Variants in COL1A1 observed in about 807,000 individuals in gnomAD.
COL1A1 encodes the protein collagen type I alpha 1 chain.
Under a neutral mutation model 195.7 loss-of-function variants are expected in COL1A1, and 21 were observed. The ratio of observed to expected loss-of-function variants is 0.11; its 90% CI spans 0.08 to 0.15. COL1A1 has a LOEUF of 0.15. Among genes scored for constraint, COL1A1 ranks in the 10% least tolerant of loss-of-function variants. The pLI is 1.00. For missense variants in COL1A1, 1,365 were observed against 2,051.0 expected (o/e 0.67, Z 6.46); for synonymous variants, 749 against 747.3 (o/e 1.00, Z -0.04).
rs536312322 is a variant in COL1A1, at chr17:50,192,459, G to A, written c.1983+16C>T. ...CCCTGCATCTCCCACCCCTCTGGCC[G>A]GCTGCTCCCTCTTACCTGTTCACCA... On this transcript the variant is annotated intron_variant, in intron 29 of 50. Transcript: ENST00000225964. 137 of 1,597,814 alleles carry A rather than the reference G, an allele frequency of 8.6e-5. 1 individual carries two copies. The highest frequency in any genetic ancestry group is 4.7e-4 in the South Asian group (42 of 89,254).
chr17:50,197,824 A>G lies in COL1A1; in HGVS notation c.643-39T>C, dbSNP rs1184439110. The G allele has an allele frequency of 3.1e-6, 5 of 1,605,346 alleles. No individual in the cohort carries two copies. The African/African-American group carries it at 5.4e-5, about 17-fold the overall frequency. On this transcript the variant is annotated intron_variant, in intron 8 of 50. Coordinates refer to ENST00000225964, the MANE Select transcript of COL1A1 (RefSeq NM_000088.4). The stretch of plus-strand genomic sequence containing the variant: ...AAGAGGTGGTTAGAATATGGATAAG[A>G]AAAAAAGAAGGGGAAGGCTGGGATT...
Position 50,197,955 on chromosome 17 carries a change from T to G in COL1A1, c.636A>C (p.Gly212=), listed in dbSNP as rs1204600774. The G allele has an allele frequency of 6.2e-7, 1 of 1,614,012 alleles. No homozygotes were observed. Among genetic ancestry groups the G allele is most frequent in the Non-Finnish European group, 8.5e-7 (1 of 1,179,970 alleles). ...CTGTATAGAGAGTGCTTACTGAAGC[T>G]CCAGGCTCGCCAGGCTCACCAGGGG... is the stretch of plus-strand genomic sequence containing the variant. ...QGPPGEPGEP[G]ASGPMGPRGP... The change falls in exon 8 of 51, where the codon GGA becomes GGC. Residue 212 remains glycine, a synonymous_variant. Transcript: ENST00000225964.
In COL1A1 at chr17:50,192,003, C is replaced by A. The variant is rs563598815; in HGVS notation, c.2005G>T (p.Ala669Ser). ...GEQGVPGDLG[A>S]PGPSGARGER... ...ACTCTTGCTCCAGAGGGGCCAGGGGCGCCAAGGTCTCCAGGAACACCCTGA... is the reference window on the plus strand; with the variant it reads ...ACTCTTGCTCCAGAGGGGCCAGGGGAGCCAAGGTCTCCAGGAACACCCTGA... The change falls in exon 30 of 51, where the codon GCC (alanine) becomes TCC (serine). Residue 669 changes from alanine to serine, a missense_variant. This residue lies in a region of COL1A1 where 671 missense variants were observed against 1,099.9 expected (regional missense o/e 0.61). Transcript: ENST00000225964. 2 of 1,613,042 alleles carry A rather than the reference C, an allele frequency of 1.2e-6. No homozygotes were observed. Among genetic ancestry groups the A allele is most frequent in the South Asian group, 1.1e-5 (1 of 90,692 alleles).
At chr17:50,192,379 C>T in intron 29 of COL1A1, 96 bp downstream of exon 29, 1 of 1,377,158 alleles carries the variant, frequency 7.3e-7, no homozygotes, top group South Asian at 1.2e-5. Context: ...AACCTCAATC[C>T]CTCTAGTTGA....
At chr17:50,192,203 TC>T in intron 29 of COL1A1, 179 bp from the exon 30 acceptor site, 7 of 751,680 alleles carry the variant, frequency 9.3e-6, no homozygotes, top group South Asian at 7.1e-5. Context: ...GTCAAAGGCT[TC>T]CCCCCTCCCC....
intron 29 of COL1A1, 51 bp from the exon 30 acceptor site, chr17:50,192,075 C>T (rs1470918415): frequency 6.3e-7 from 1 of 1,588,524 alleles, no homozygotes; most frequent in East Asian, 2.3e-5. Flanking sequence ...CACCTGGGGC[C>T]ACTCTGCTGG....
intron 46 of COL1A1, 96 bp from the exon 47 acceptor site, chr17:50,187,218 C>G (rs1445964486): frequency 5.5e-6 from 6 of 1,081,798 alleles, no homozygotes; most frequent in Non-Finnish European, 8.3e-6. Flanking sequence ...TGGCTCTGGC[C>G]CCACGGCTCA....
At chr17:50,191,242 A>T in intron 32 of COL1A1, 141 bp downstream of exon 32, 2 of 844,552 alleles carry the variant, frequency 2.4e-6, no homozygotes, top group Non-Finnish European at 3.9e-6. Context: ...ATCAGCAAAA[A>T]GGCCAGAGGG....
intron 11 of COL1A1, 117 bp downstream of exon 11, chr17:50,196,893 G>T (rs1907638379): frequency 5.5e-6 from 7 of 1,264,272 alleles, no homozygotes; most frequent in Non-Finnish European, 8.0e-6. Flanking sequence ...TGTCCCTTGG[G>T]ACTTCTGTAG....
At position 50,194,952 on chromosome 17, in the gene COL1A1, G is replaced by A; in HGVS notation, c.1353+95C>T. On this transcript the variant is annotated intron_variant, in intron 20 of 50. Transcript: ENST00000225964. This position sits in a 1 kb window ranked among gnomAD's most constrained non-coding sequence, Gnocchi z 6.8. ...TGGGGGTGTGGCAGGGACTCCCCCA[G>A]AAGACTAGGGGCTCCTCTTCCTTTC... 6.7e-7 allele frequency: 1 copy of A among 1,485,180 alleles called. No homozygotes were observed. Among genetic ancestry groups the A allele is most frequent in the Non-Finnish European group, 9.4e-7 (1 of 1,069,120 alleles). 92.0% of individuals were successfully genotyped at this position (1,485,180 alleles called of 1,614,324 possible).
chr17:50,196,923 A>C, intron 11 of COL1A1, 87 bp downstream of exon 11: 1 of 1,475,904 alleles, frequency 6.8e-7, no homozygotes, highest in African/African-American at 1.4e-5. Flanking sequence ...ACCATGATGC[A>C]ACTCAGTATC....
Position 50,188,114 on chromosome 17 carries a change from A to T in COL1A1, c.3243T>A (p.Val1081=). The T allele has an allele frequency of 1.9e-6, 3 of 1,583,974 alleles. No homozygotes were observed. The highest frequency in any genetic ancestry group is 2.6e-6 in the Non-Finnish European group (3 of 1,163,510). The change falls in exon 44 of 51, where the codon GTT becomes GTA. Residue 1081 remains valine, a synonymous_variant. Transcript: ENST00000225964. The surrounding 1 kb of genome is among the most constrained non-coding windows in gnomAD (Gnocchi z 5.6). ...PAGPAGPVGP[V]GARGPAGPQG... is the part of the protein sequence containing the mutation. ...TACTTACGGCGGGGCCACGGGCGCCAACAGGGCCGACAGGACCGGCGGGAC... is the reference window on the plus strand; with the variant it reads ...TACTTACGGCGGGGCCACGGGCGCCTACAGGGCCGACAGGACCGGCGGGAC...
In COL1A1 at chr17:50,197,049, C is replaced by T. The variant is rs373529600; in HGVS notation, c.765G>A (p.Leu255=). 6.2e-6 allele frequency: 10 copies of T among 1,613,982 alleles called. No homozygotes were observed. The highest frequency in any genetic ancestry group is 6.8e-6 in the Non-Finnish European group (8 of 1,180,008). ...TTCCAGGGAGGCCAGCTGTTCCGGG[C>T]AATCCTCGAGCACCCTGGAGAGAGA... ...GPPGPQGARG[L]PGTAGLPGMK... is the part of the protein sequence containing the mutation. Residue 255 remains leucine, a synonymous_variant, in exon 11 of 51, where the codon TTG becomes TTA. Transcript: ENST00000225964.
Position 50,195,615 on chromosome 17 carries a change from C to T in COL1A1, c.1107G>A (p.Val369=), listed in dbSNP as rs144889918. The T allele has an allele frequency of 2.5e-6, 4 of 1,613,828 alleles. No individual in the cohort carries two copies. The highest frequency in any genetic ancestry group is 2.2e-5 in the East Asian group (1 of 44,852). ...GGCCAGGGGGGCCAGGCTCACCACG[C>T]ACACCCTGGGGACCTTCAGAGCCTC... ...GPRGSEGPQG[V]RGEPGPPGPA... The change falls in exon 17 of 51, where the codon GTG becomes GTA. Residue 369 remains valine (V), a synonymous_variant. Transcript: ENST00000225964. This position sits in a 1 kb window ranked among gnomAD's most constrained non-coding sequence, Gnocchi z 4.3.
rs371312641 is a variant in COL1A1 at position 50,195,419 on chromosome 17, T to C, written c.1200+15A>G. On this transcript the variant is annotated intron_variant, in intron 18 of 50. Transcript: ENST00000225964. The surrounding 1 kb of genome is among the most constrained non-coding windows in gnomAD (Gnocchi z 4.3). ...AGGCGGCAGGAGTGGGACTGAAGCC[T>C]GGCAGGATACTTACATTGGCACCTT... 37 of 1,614,086 alleles carry C rather than the reference T, an allele frequency of 2.3e-5. No homozygotes were observed. In the African/African-American group the frequency reaches 4.4e-4, roughly 19 times the overall value.
rs745701599 is a variant in COL1A1, at chr17:50,201,480, G to A, written c.34C>T (p.Leu12Phe). The change falls in exon 1 of 51, where the codon CTC becomes TTC. Residue 12 changes from leucine to phenylalanine, a missense_variant. This residue lies in a region of COL1A1 where 194 missense variants were observed against 221.7 expected (regional missense o/e 0.88). Coordinates refer to ENST00000225964, the MANE Select transcript of COL1A1 (RefSeq NM_000088.4). ...GTCAGGAGGGCGGTGGCCGCTAAGA[G>A]GAGCAGGAGCCGGAGGTCCACAAAG... ...FSFVDLRLLLLLAATALLTHG... is the reference protein window; with the variant it reads ...FSFVDLRLLLFLAATALLTHG... The A allele has an allele frequency of 9.3e-6, 15 of 1,612,688 alleles. No individual in the cohort carries two copies. The highest frequency in any genetic ancestry group is 1.2e-5 in the Non-Finnish European group (14 of 1,180,030).
intron 1 of COL1A1, among the ~76,000 whole-genome samples, chr17:50,200,469 T>C (rs562795849): frequency 6.6e-5 from 10 of 152,024 alleles, no homozygotes; most frequent in African/African-American, 9.7e-5. Flanking sequence ...CCCCCAAGAC[T>C]TGAAATGTAC....
In COL1A1 at chr17:50,188,322, C is replaced by A; in HGVS notation, c.3208-173G>T. 1.2e-6 allele frequency: 1 copy of A among 840,776 alleles called. No individual in the cohort carries two copies. Among genetic ancestry groups the A allele is most frequent in the Non-Finnish European group, 1.8e-6 (1 of 541,906 alleles). The allele number at this position is 840,776 out of a possible 1,614,324, so 52.1% of individuals were successfully genotyped here. ...CTGCAATCTTCACGGGAGCTGGGGC[C>A]AACTCATGGGAGAGGCGGTCCTGTC... On this transcript the variant is annotated intron_variant, in intron 43 of 50. Coordinates refer to ENST00000225964, the MANE Select transcript of COL1A1 (RefSeq NM_000088.4). The surrounding 1 kb of genome is among the most constrained non-coding windows in gnomAD (Gnocchi z 5.6).
In COL1A1 at chr17:50,192,643, G is replaced by T; in HGVS notation, c.1926C>A (p.Phe642Leu). Residue 642 changes from phenylalanine to leucine, a missense_variant, in exon 28 of 51, where the codon TTC becomes TTA. Coordinates refer to ENST00000225964, the MANE Select transcript of COL1A1 (RefSeq NM_000088.4). ...GEQGPAGSPG[F>L]QGLPGPAGPP... ...CCTGACAGCCATGAGGCCTCACCTG[G>T]AATCCGGGGGAGCCAGCAGGGCCTT... 6.2e-7 allele frequency: 1 copy of T among 1,614,222 alleles called. No homozygotes were observed. Among genetic ancestry groups the T allele is most frequent in the Non-Finnish European group, 8.5e-7 (1 of 1,180,042 alleles).
Sources: allele counts gnomAD v4.1 joint callset (sites outside exome capture counted in the v4.1 genomes callset), GRCh38; gene constraint gnomAD v4.1.1; regional missense constraint gnomAD v4.1.1; non-coding constraint Gnocchi (gnomAD v3.1); transcripts MANE v1.5; gene names NCBI Gene and HGNC (gene_info 2026-07-23, HGNC 2026-07-21).